The following PSMA6 variants were observed in gnomAD, a reference collection of about 807,000 sequenced individuals.
PSMA6 encodes proteasome 20S subunit alpha 6.
For synonymous variants in PSMA6, 88 were observed against 97.7 expected (o/e 0.90, Z 0.59); for missense variants, 170 against 294.8 (o/e 0.58, Z 3.10).
At chr14:35,294,228 C>G (rs2051539465) in intron 1 of PSMA6, among the ~76,000 whole-genome samples, 1 of 151,910 alleles carries the variant, frequency 6.6e-6, no homozygotes, top group Non-Finnish European at 1.5e-5. Context: ...TTAGTAGAGA[C>G]GAGGTTTCTC....
At chr14:35,310,650 A>G in intron 3 of PSMA6, 90 bp from the exon 4 acceptor site, 1 of 1,327,374 alleles carries the variant, frequency 7.5e-7, no homozygotes, top group Non-Finnish European at 1.1e-6. Flanking sequence ...GTATGTCTAT[A>G]TGGTGGGAAA....
At chr14:35,314,947 A>ATGTGTGTGTGTGTGTGTGTGTG (rs59477296) in intron 6 of PSMA6, 29 of 141,222 alleles carry the variant, frequency 2.1e-4, no homozygotes, top group African/African-American at 6.7e-4. Context: ...CAGTTGCTGG[A>ATGTGTGTGTGTGTGTGTGTGTG]TGTGTGTGTG....
chr14:35,314,587 C>A (rs547341382), intron 6 of PSMA6, 132 bp downstream of exon 6: 451 of 1,188,188 alleles, frequency 3.8e-4, no homozygotes, highest in Non-Finnish European at 4.8e-4. Context: ...TTGTTTTTTT[C>A]CCCAGCACCT....
chr14:35,306,713 T>G (rs1234304808), intron 1 of PSMA6, among the ~76,000 whole-genome samples: 1 of 151,940 alleles, frequency 6.6e-6, no homozygotes, highest in Non-Finnish European at 1.5e-5. Context: ...AATCTTACTG[T>G]CGAAAGACAG....
intron 1 of PSMA6, among the ~76,000 whole-genome samples, chr14:35,286,001 C>G (rs2051418255): frequency 2.0e-5 from 3 of 152,202 alleles, no homozygotes; most frequent in Admixed American, 1.3e-4. Context: ...AGCGAAATAG[C>G]CAACAATTCA....
intron 6 of PSMA6, chr14:35,314,707 T>G: frequency 3.7e-6 from 1 of 269,364 alleles, no homozygotes; most frequent in Non-Finnish European, 6.5e-6. Flanking sequence ...TAAAGTTACC[T>G]TCCTTATGTA....
intron 1 of PSMA6, among the ~76,000 whole-genome samples, chr14:35,282,583 A>G (rs953994352): frequency 2.0e-5 from 3 of 152,094 alleles, no homozygotes; most frequent in African/African-American, 7.2e-5. Flanking sequence ...TAACGTTGCA[A>G]TGATTAAAAT....
intron 1 of PSMA6, among the ~76,000 whole-genome samples, chr14:35,296,298 T>G (rs2051585103): frequency 6.6e-6 from 1 of 151,916 alleles, no homozygotes; most frequent in African/African-American, 2.4e-5. Context: ...GTATATATAG[T>G]AAGCACTCAA....
chr14:35,303,440 G>A (rs1457008085), intron 1 of PSMA6, among the ~76,000 whole-genome samples: 1 of 152,058 alleles, frequency 6.6e-6, no homozygotes, highest in Non-Finnish European at 1.5e-5. Flanking sequence ...TAGTTCTTCA[G>A]GCCAAAAAGA....
chr14:35,310,726 T>G lies in PSMA6; in HGVS notation c.254-14T>G. ...CCTTCTAACCAGGTAAATCTTTGTT[T>G]TTTATGCTATAAGCTGACAGCAGAT... On this transcript the variant is annotated splice_polypyrimidine_tract_variant and intron_variant, in intron 3 of 6. Transcript: ENST00000261479. The G allele has an allele frequency of 1.2e-6, 2 of 1,611,082 alleles. No homozygotes were observed. The highest frequency in any genetic ancestry group is 1.7e-6 in the Non-Finnish European group (2 of 1,179,608).
intron 1 of PSMA6, among the ~76,000 whole-genome samples, chr14:35,301,092 A>T (rs1386243869): frequency 6.6e-6 from 1 of 152,162 alleles, no homozygotes; most frequent in Non-Finnish European, 1.5e-5. Flanking sequence ...AAATAATAGA[A>T]TTCTGGGAAA....
intron 1 of PSMA6, among the ~76,000 whole-genome samples, chr14:35,286,540 T>C (rs1399632538): frequency 1.3e-5 from 2 of 152,022 alleles, no homozygotes; most frequent in Non-Finnish European, 2.9e-5. Context: ...ACAAGAAATA[T>C]CAAAAGCCGT....
intron 1 of PSMA6, among the ~76,000 whole-genome samples, chr14:35,279,437 G>A (rs2051341842): frequency 6.6e-6 from 1 of 152,178 alleles, no homozygotes. Context: ...AATAGTATTT[G>A]CATAGCTGTA....
At chr14:35,293,291 G>A (rs1045276829) in intron 1 of PSMA6, 4 of 279,556 alleles carry the variant, frequency 1.4e-5, no homozygotes, top group African/African-American at 8.9e-5. Flanking sequence ...CTGTGTACTA[G>A]TTTACTGAAG....
chr14:35,300,118 C>T (rs932474050), intron 1 of PSMA6, among the ~76,000 whole-genome samples: 1 of 152,044 alleles, frequency 6.6e-6, no homozygotes, highest in African/African-American at 2.4e-5. Flanking sequence ...ACAGAGCTAG[C>T]AGGGGTCTTT....
At chr14:35,314,984 T>TGTGTGTGTGTGTGTGTGTGTG (rs1566564621) in intron 6 of PSMA6, 1 of 151,722 alleles carries the variant, frequency 6.6e-6, no homozygotes, top group African/African-American at 2.4e-5. Context: ...TGTGTGTGTG[T>TGTGTGTGTGTGTGTGTGTGTG]TCTTACTCAC....
chr14:35,289,686 A>G (rs1206079031), upstream of PSMA6, among the ~76,000 whole-genome samples: 1 of 152,124 alleles, frequency 6.6e-6, no homozygotes, highest in Non-Finnish European at 1.5e-5. Context: ...TCAGGAGGCT[A>G]AGGCCAAAGG....
chr14:35,295,075 C>T (rs1292857713), intron 1 of PSMA6, among the ~76,000 whole-genome samples: 3 of 152,152 alleles, frequency 2.0e-5, no homozygotes, highest in African/African-American at 7.2e-5. Context: ...CAGTGCCTCA[C>T]ACCTGTAATC....
intron 1 of PSMA6, among the ~76,000 whole-genome samples, chr14:35,295,692 T>A (rs2138719476): frequency 6.6e-6 from 1 of 152,308 alleles, no homozygotes. Context: ...CTTCAGGTGA[T>A]CCACCCACCT....
Sources: allele counts gnomAD v4.1 joint callset (sites outside exome capture counted in the v4.1 genomes callset), GRCh38; gene constraint gnomAD v4.1.1; transcripts MANE v1.5; gene names NCBI Gene and HGNC (gene_info 2026-07-23, HGNC 2026-07-21).